Variants in AADACL4 observed in about 807,000 individuals in gnomAD.
AADACL4 encodes arylacetamide deacetylase-like 4.
In AADACL4, 9 loss-of-function variants were observed where a neutral mutation model predicts 14.1. The observed-to-expected ratio is 0.64, with a 90% CI of 0.39 to 1.12. AADACL4 has a LOEUF of 1.12. AADACL4 is among the 50% of genes most tolerant of loss of function. The pLI is 0.01. For missense variants in AADACL4, 531 were observed against 516.1 expected, an observed-to-expected ratio of 1.03 and a Z score of -0.28; for synonymous variants, 188 against 201.6, an observed-to-expected ratio of 0.93 and a Z score of 0.57.
chr1:12,644,744 C>G (rs1557546178), intron 1 of AADACL4, 30 bp downstream of exon 1: 1 of 1,605,736 alleles, frequency 6.2e-7, no homozygotes, highest in Admixed American at 1.7e-5. Context: ...ACGTCGTAAC[C>G]TGGGGGCTTC....
At chr1:12,664,794 C>G (rs1557553122) in intron 3 of AADACL4, among the ~76,000 whole-genome samples, 1 of 151,478 alleles carries the variant, frequency 6.6e-6, no homozygotes, top group Non-Finnish European at 1.5e-5. Context: ...TTTTTTTATT[C>G]ATTCCTTTCT....
intron 1 of AADACL4, among the ~76,000 whole-genome samples, chr1:12,645,906 C>G (rs1486909984): frequency 6.6e-6 from 1 of 152,184 alleles, no homozygotes; most frequent in Admixed American, 6.5e-5. Context: ...AGCCTGGTAT[C>G]TGGTAGGTGC....
chr1:12,657,714 ACTGTGGTGGGTCCACACCCATT>A (rs1647189171), intron 2 of AADACL4, among the ~76,000 whole-genome samples: 1 of 152,110 alleles, frequency 6.6e-6, no homozygotes, highest in African/African-American at 2.4e-5. Context: ...TTTTCTCAGA[ACTGTGGTGGGTCCACACCCATT>A]CTGGGACCAA....
At chr1:12,648,016 A>G (rs1269683959) in intron 1 of AADACL4, among the ~76,000 whole-genome samples, 1 of 151,964 alleles carries the variant, frequency 6.6e-6, no homozygotes, top group Admixed American at 6.6e-5. Context: ...CCCAGGCTGG[A>G]GTGCAGTTGT....
intron 2 of AADACL4, 56 bp downstream of exon 2, chr1:12,651,395 T>G: frequency 1.3e-6 from 2 of 1,550,556 alleles, no homozygotes; most frequent in Admixed American, 3.5e-5. Flanking sequence ...ATGCATAGCC[T>G]AGCTCATGCC....
rs1193145320 is a variant in AADACL4 at position 12,666,504 on chromosome 1, G to A, written c.993G>A (p.Glu331=). ...VENSPLIADD[E]VIAQLPEAFL... ...ATTCACCCCTGATAGCAGATGATGAGGTCATCGCTCAGCTTCCTGAGGCCT... is the reference window on the plus strand; with the variant it reads ...ATTCACCCCTGATAGCAGATGATGAAGTCATCGCTCAGCTTCCTGAGGCCT... Residue 331 remains glutamate, a synonymous_variant, in exon 4 of 4, where the codon GAG becomes GAA. Coordinates refer to ENST00000376221, the MANE Select transcript of AADACL4 (RefSeq NM_001013630.2). The A allele has an allele frequency of 4.3e-6, 7 of 1,614,150 alleles. No individual in the cohort carries two copies. Among genetic ancestry groups the A allele is most frequent in the Non-Finnish European group, 5.9e-6 (7 of 1,180,026 alleles).
At chr1:12,651,473 C>T (rs1319399451) in intron 2 of AADACL4, 134 bp downstream of exon 2, 3 of 929,738 alleles carry the variant, frequency 3.2e-6, no homozygotes, top group African/African-American at 3.4e-5. Context: ...GCGTTAATAG[C>T]CCAGACTAAG....
At chr1:12,658,081 CTTTCTT>C (rs1647193969) in intron 2 of AADACL4, among the ~76,000 whole-genome samples, 4 of 140,150 alleles carry the variant, frequency 2.9e-5, no homozygotes, top group African/African-American at 1.1e-4. Context: ...TTCTTTCTTT[CTTTCTT>C]TCTCTTTCTT....
chr1:12,658,139 C>CCTTTCTTTCTTT (rs1191457132), intron 2 of AADACL4, among the ~76,000 whole-genome samples: 85 of 84,926 alleles, frequency 1.0e-3, no homozygotes, highest in Admixed American at 8.8e-3. Context: ...TTCCTTCCTT[C>CCTTTCTTTCTTT]CTTTCTTTCT....
chr1:12,654,881 C>T (rs1190309223), intron 2 of AADACL4, among the ~76,000 whole-genome samples: 1 of 152,158 alleles, frequency 6.6e-6, no homozygotes, highest in Non-Finnish European at 1.5e-5. Flanking sequence ...GGTTAATTAC[C>T]CACAGGTGTG....
chr1:12,652,560 T>C (rs914440374), intron 2 of AADACL4, among the ~76,000 whole-genome samples: 2 of 152,054 alleles, frequency 1.3e-5, no homozygotes, highest in African/African-American at 4.8e-5. Flanking sequence ...AATACAGAGA[T>C]TTGTTGCAAA....
rs36055940 is a variant in AADACL4, at chr1:12,651,995, ATT to A, written c.385+668_385+669del. On this transcript the variant is annotated intron_variant, in intron 2 of 3. Transcript: ENST00000376221. ...AGGTGCCTGCCACCGTGACCAGCTAATTTTTTTTTTTTTGTATTTTTAGTAGA... is the reference window on the plus strand; with the variant it reads ...AGGTGCCTGCCACCGTGACCAGCTAATTTTTTTTTTTGTATTTTTAGTAGA... Among the ~76,000 whole-genome samples, 176 of 143,262 alleles carry A rather than the reference ATT, an allele frequency of 1.2e-3. 2 individuals carry two copies. Among genetic ancestry groups the A allele is most frequent in the African/African-American group, 4.4e-3 (173 of 39,232 alleles). The allele number at this position is 143,262 out of a possible 152,430, so 94.0% of individuals were successfully genotyped here.
chr1:12,666,936 A>G lies in AADACL4; in HGVS notation c.*201A>G. The G allele has an allele frequency of 3.7e-6, 2 of 545,088 alleles. No homozygotes were observed. Among genetic ancestry groups the G allele is most frequent in the Non-Finnish European group, 6.3e-6 (2 of 316,862 alleles). The allele number at this position is 545,088 out of a possible 1,614,324, so 33.8% of individuals were successfully genotyped here. On this transcript the variant is annotated 3_prime_UTR_variant, in exon 4 of 4. Transcript: ENST00000376221. ...TGTCTGTTTCCTTCCAGCACTAACA[A>G]TGTCCATTGCTGGATCTAGCGACAT...
At chr1:12,662,062 T>G (rs116254115) in intron 3 of AADACL4, among the ~76,000 whole-genome samples, 6,622 of 152,140 alleles carry the variant, frequency 0.044, 446 homozygotes, top group African/African-American at 0.15. Context: ...TGAATAAACC[T>G]CAGCACAGCA....
In AADACL4 at chr1:12,661,774, GT is replaced by G. The variant is rs1647232095; in HGVS notation, c.386-16del. 2 of 1,613,778 alleles carry G rather than the reference GT, an allele frequency of 1.2e-6. No homozygotes were observed. ...TCCTACTCATGCGCTGCTGCTCTGA[GT>G]GTTTTTGTCTTGCAGATTGTTACCA... On this transcript the variant is annotated splice_polypyrimidine_tract_variant and intron_variant, in intron 2 of 3. Transcript: ENST00000376221.
chr1:12,655,283 G>C (rs908815798), intron 2 of AADACL4, among the ~76,000 whole-genome samples: 1 of 152,130 alleles, frequency 6.6e-6, no homozygotes, highest in Non-Finnish European at 1.5e-5. Flanking sequence ...GTTTAGGAGA[G>C]AGTAACTGGC....
At chr1:12,659,860 C>A (rs150204619) in intron 2 of AADACL4, among the ~76,000 whole-genome samples, 233 of 152,134 alleles carry the variant, frequency 1.5e-3, no homozygotes, top group African/African-American at 5.4e-3. Flanking sequence ...ACTCTGTTGT[C>A]CAGGCTGGGG....
At position 12,666,883 on chromosome 1, in the gene AADACL4, T is replaced by G. The variant is rs1320203728; in HGVS notation, c.*148T>G. The G allele has an allele frequency of 3.5e-5, 27 of 777,398 alleles. No homozygotes were observed. Among genetic ancestry groups the G allele is most frequent in the Non-Finnish European group, 5.1e-5 (26 of 512,234 alleles). 48.2% of individuals were successfully genotyped at this position (777,398 alleles called of 1,614,324 possible). ...AGGGTGAGAAGTAAGCTAACAGTCTTGCTTAGTATTCAAGAAAATCCAAAC... is the reference window on the plus strand; with the variant it reads ...AGGGTGAGAAGTAAGCTAACAGTCTGGCTTAGTATTCAAGAAAATCCAAAC... On this transcript the variant is annotated 3_prime_UTR_variant, in exon 4 of 4. Transcript: ENST00000376221.
rs1647096009 is a variant in AADACL4 at position 12,644,286 on chromosome 1, G to T, written c.-261G>T. The stretch of plus-strand genomic sequence containing the variant: ...CTGATCTTCCTGAAATCTTTGGGAA[G>T]CTCACCTTCCAAGACTCCCCATGAT... On this transcript the variant is annotated 5_prime_UTR_variant, in exon 1 of 4. Transcript: ENST00000376221. Among the ~76,000 whole-genome samples, 1 of 152,180 alleles carries T rather than the reference G, an allele frequency of 6.6e-6. No individual in the cohort carries two copies. Among genetic ancestry groups the T allele is most frequent in the Non-Finnish European group, 1.5e-5 (1 of 68,036 alleles).
Sources: allele counts gnomAD v4.1 joint callset (sites outside exome capture counted in the v4.1 genomes callset), GRCh38; gene constraint gnomAD v4.1.1; transcripts MANE v1.5; gene names NCBI Gene and HGNC (gene_info 2026-07-23, HGNC 2026-07-21).